The following GUCY1A2 variants were observed in gnomAD, a reference collection of about 807,000 sequenced individuals.
The protein encoded by GUCY1A2 is guanylate cyclase soluble subunit alpha-2.
Under a neutral mutation model 63.5 loss-of-function variants are expected in GUCY1A2, and 27 were observed. The ratio of observed to expected loss-of-function variants is 0.43; its 90% confidence interval spans 0.31 to 0.59. GUCY1A2 has a LOEUF of 0.59. GUCY1A2 is among the 20% of genes least tolerant of loss of function. The probability of loss-of-function intolerance (pLI) is 0.11; values close to 1 mark genes in which losing one functional copy is unlikely to be tolerated. For synonymous variants in GUCY1A2, 364 were observed against 343.5 expected (o/e 1.06, Z -0.66); for missense variants, 768 against 913.3 (o/e 0.84, Z 2.05).
intron 4 of GUCY1A2, among the ~76,000 whole-genome samples, chr11:106,864,760 G>C (rs1364707851): frequency 6.6e-6 from 1 of 152,116 alleles, no homozygotes; most frequent in Non-Finnish European, 1.5e-5. Flanking sequence ...TCCCAAGGAT[G>C]AAGCCGACTT....
intron 6 of GUCY1A2, among the ~76,000 whole-genome samples, chr11:106,729,182 A>ATTCT (rs975309286): frequency 2.5e-4 from 38 of 152,156 alleles, no homozygotes; most frequent in African/African-American, 8.4e-4. Flanking sequence ...AAAGTCTTTT[A>ATTCT]TTCTTTTTAA....
intron 1 of GUCY1A2, among the ~76,000 whole-genome samples, chr11:107,003,716 A>C (rs1256900870): frequency 6.6e-6 from 1 of 152,168 alleles, no homozygotes; most frequent in African/African-American, 2.4e-5. Flanking sequence ...TTTCTCCCAA[A>C]TGCCACCTTC....
chr11:107,008,372 G>C (rs1371735935), intron 1 of GUCY1A2, among the ~76,000 whole-genome samples: 1 of 151,530 alleles, frequency 6.6e-6, no homozygotes, highest in East Asian at 1.9e-4. Context: ...CCAATAAAAT[G>C]TCAGGTAGGA....
chr11:106,901,810 A>G (rs760090275), intron 4 of GUCY1A2, among the ~76,000 whole-genome samples: 1 of 152,306 alleles, frequency 6.6e-6, no homozygotes, highest in East Asian at 1.9e-4. Context: ...TACAACGGAC[A>G]TGAACTCATC....
chr11:106,734,468 C>T (rs1863555728), intron 6 of GUCY1A2, among the ~76,000 whole-genome samples: 1 of 151,936 alleles, frequency 6.6e-6, no homozygotes, highest in Non-Finnish European at 1.5e-5. Flanking sequence ...TGTAAGACTC[C>T]ATCAATAGCA....
At chr11:106,849,394 G>A (rs116885065) in intron 4 of GUCY1A2, among the ~76,000 whole-genome samples, 1,933 of 149,980 alleles carry the variant, frequency 0.013, 27 homozygotes, top group South Asian at 0.048. Context: ...CTTTATACAA[G>A]CCTGCATATG....
At chr11:106,948,689 C>A (rs1860863312) in intron 3 of GUCY1A2, among the ~76,000 whole-genome samples, 1 of 152,008 alleles carries the variant, frequency 6.6e-6, no homozygotes, top group Admixed American at 6.6e-5. Flanking sequence ...AATAAAATAA[C>A]CAGTAAACAC....
At chr11:106,796,116 G>C (rs1298217781) in intron 5 of GUCY1A2, among the ~76,000 whole-genome samples, 2 of 152,118 alleles carry the variant, frequency 1.3e-5, no homozygotes, top group African/African-American at 4.8e-5. Flanking sequence ...TTTTATCAGA[G>C]ACTAGGATTG....
chr11:106,789,103 T>G (rs537497898), intron 5 of GUCY1A2, among the ~76,000 whole-genome samples: 2 of 152,318 alleles, frequency 1.3e-5, no homozygotes, highest in African/African-American at 4.8e-5. Flanking sequence ...TGTGTCTTCT[T>G]CAATTTCTTG....
chr11:106,727,207 G>C (rs1863422961), intron 6 of GUCY1A2, among the ~76,000 whole-genome samples: 1 of 152,198 alleles, frequency 6.6e-6, no homozygotes, highest in South Asian at 2.1e-4. Flanking sequence ...TCCCATAGCA[G>C]GGCCTGTGTA....
At chr11:106,849,086 G>A (rs1396462239) in intron 4 of GUCY1A2, among the ~76,000 whole-genome samples, 1 of 151,102 alleles carries the variant, frequency 6.6e-6, no homozygotes, top group Non-Finnish European at 1.5e-5. Flanking sequence ...ATCCAACAAG[G>A]GACTAATACA....
At chr11:106,815,154 G>T (rs1374098634) in intron 4 of GUCY1A2, among the ~76,000 whole-genome samples, 5 of 151,930 alleles carry the variant, frequency 3.3e-5, no homozygotes, top group African/African-American at 1.2e-4. Context: ...TAGAAAACAT[G>T]CTGGGTGGGC....
chr11:106,818,189 C>T (rs1858856239), intron 4 of GUCY1A2, among the ~76,000 whole-genome samples: 1 of 152,130 alleles, frequency 6.6e-6, no homozygotes, highest in Non-Finnish European at 1.5e-5. Flanking sequence ...GCAGATATTG[C>T]ATTGTTTTAC....
Position 106,872,933 on chromosome 11 carries a change from C to T in GUCY1A2, c.1207-62455G>A, listed in dbSNP as rs564701039. Among the ~76,000 whole-genome samples, 36 of 152,210 alleles carry T rather than the reference C, an allele frequency of 2.4e-4. No individual in the cohort carries two copies. In the East Asian group the frequency reaches 4.8e-3, roughly 20 times the overall value. The stretch of plus-strand genomic sequence containing the variant: ...GTTCCCTCCCCTCGCCTCCCACCCC[C>T]GAAGAGGCCCTGGTGTGTTTTGTTC... On this transcript the variant is annotated intron_variant, in intron 4 of 7. Coordinates refer to ENST00000526355, the MANE Select transcript of GUCY1A2 (RefSeq NM_000855.3).
At chr11:106,725,308 G>A (rs1316983357) in intron 6 of GUCY1A2, among the ~76,000 whole-genome samples, 1 of 102,748 alleles carries the variant, frequency 9.7e-6, no homozygotes, top group Non-Finnish European at 2.1e-5. Context: ...AAGTAGCTGG[G>A]ACTACAGGCG....
chr11:106,901,937 C>T (rs987541606), intron 4 of GUCY1A2, among the ~76,000 whole-genome samples: 1 of 152,126 alleles, frequency 6.6e-6, no homozygotes, highest in South Asian at 2.1e-4. Flanking sequence ...AATAGTGCCG[C>T]AATAACATGT....
At position 106,882,113 on chromosome 11, in the gene GUCY1A2, C is replaced by T. The variant is rs1349756713; in HGVS notation, c.1206+57347G>A. 1.2e-4 allele frequency among the ~76,000 whole-genome samples: 18 copies of T among 151,660 alleles called. No individual in the cohort carries two copies. The Admixed American group carries it at 1.2e-3, about 10-fold the overall frequency. ...TTCCTTCTCTTTTCTCATTTCTTCA[C>T]ATTTTATATATTTTGCTGAAGAAAA... is the stretch of plus-strand genomic sequence containing the variant. On this transcript the variant is annotated intron_variant, in intron 4 of 7. Transcript: ENST00000526355.
rs142994654 is a variant in GUCY1A2 at position 106,679,129 on chromosome 11, T to C, written c.*8420A>G. 5.4e-6 allele frequency: 1 copy of C among 185,004 alleles called. No homozygotes were observed. Among genetic ancestry groups the C allele is most frequent in the African/African-American group, 2.3e-5 (1 of 42,766 alleles). 11.5% of individuals were successfully genotyped at this position (185,004 alleles called of 1,614,324 possible). A position where few individuals can be genotyped will look rare whatever the true frequency, so the allele number is the denominator to read the frequency against. ...CTTTGTCTTAAATTCTTTTTCTAAC[T>C]GATAATTTTGATTAAAAATTGCTCA... On this transcript the variant is annotated 3_prime_UTR_variant, in exon 8 of 8. Transcript: ENST00000526355.
At chr11:106,774,410 G>A (rs1864319033) in intron 6 of GUCY1A2, among the ~76,000 whole-genome samples, 1 of 152,068 alleles carries the variant, frequency 6.6e-6, no homozygotes, top group African/African-American at 2.4e-5. Flanking sequence ...GATTACAGAC[G>A]TAAGCCACCG....
Sources: allele counts gnomAD v4.1 joint callset (sites outside exome capture counted in the v4.1 genomes callset), GRCh38; gene constraint gnomAD v4.1.1; transcripts MANE v1.5; gene names NCBI Gene and HGNC (gene_info 2026-07-23, HGNC 2026-07-21).